The following VWC2 variants were observed in gnomAD, a reference collection of about 807,000 sequenced individuals.
VWC2 encodes the protein brorin.
In VWC2, 14 loss-of-function variants were observed where a neutral mutation model predicts 29.8. The observed-to-expected ratio is 0.47, with a 90% confidence interval of 0.31 to 0.74. The LOEUF (loss-of-function observed/expected upper bound fraction) is 0.74. Among genes scored for constraint, VWC2 ranks in the 30% least tolerant of loss-of-function variants. The pLI is 0.05. For synonymous variants in VWC2, 213 were observed against 199.0 expected (o/e 1.07, Z -0.59); for missense variants, 457 against 459.8 (o/e 0.99, Z 0.05).
In VWC2 at chr7:49,920,364, T is replaced by C. The variant is rs933190388; in HGVS notation, c.*8179T>C. 1.3e-5 allele frequency: 2 copies of C among 152,326 alleles called. No homozygotes were observed. Among genetic ancestry groups the C allele is most frequent in the East Asian group, 1.9e-4 (1 of 5,196 alleles). 9.4% of individuals were successfully genotyped at this position (152,326 alleles called of 1,614,324 possible). A position where few individuals can be genotyped will look rare whatever the true frequency, so the allele number is the denominator to read the frequency against. On this transcript the variant is annotated 3_prime_UTR_variant, in exon 4 of 4. Transcript: ENST00000340652. ...TTCCAGCTGGAAGGTCATCTTTCTA[T>C]ACATGCATGCATCTATACAAATGGT...
intron 3 of VWC2, among the ~76,000 whole-genome samples, chr7:49,901,610 T>C (rs932577432): frequency 6.6e-6 from 1 of 151,800 alleles, no homozygotes; most frequent in Admixed American, 6.6e-5. Context: ...CTCAACATTA[T>C]CAAGATCTAT....
At chr7:49,894,344 C>T (rs184903978) in intron 3 of VWC2, among the ~76,000 whole-genome samples, 30 of 152,238 alleles carry the variant, frequency 2.0e-4, no homozygotes, top group Admixed American at 1.5e-3. Flanking sequence ...TTTGTAGAGA[C>T]GGGGTTTTGA....
At chr7:49,824,360 C>T (rs1359008428) in intron 3 of VWC2, among the ~76,000 whole-genome samples, 2 of 152,148 alleles carry the variant, frequency 1.3e-5, no homozygotes, top group Non-Finnish European at 2.9e-5. Flanking sequence ...ATTATCTTGA[C>T]TTCTTTTGGT....
At chr7:49,858,622 T>G (rs1042652689) in intron 3 of VWC2, among the ~76,000 whole-genome samples, 2 of 151,134 alleles carry the variant, frequency 1.3e-5, no homozygotes, top group Non-Finnish European at 2.9e-5. Flanking sequence ...AGTTAATGGG[T>G]GCAGCACACC....
chr7:49,847,212 TTATAA>T lies in VWC2; in HGVS notation c.826+44392_826+44396del, dbSNP rs200959078. 7.9e-4 allele frequency among the ~76,000 whole-genome samples: 118 copies of T among 149,008 alleles called. 1 individual carries two copies. Among genetic ancestry groups the T allele is most frequent in the African/African-American group, 2.6e-3 (107 of 40,922 alleles). ...TAAGACACAAAAATGTGTGAACCTA[TTATAA>T]TATAATATAATATAATATATATAAT... On this transcript the variant is annotated intron_variant, in intron 3 of 3. Coordinates refer to ENST00000340652, the MANE Select transcript of VWC2 (RefSeq NM_198570.5).
intron 3 of VWC2, 24 bp from the exon 4 acceptor site, chr7:49,912,010 A>G: frequency 1.2e-6 from 2 of 1,606,928 alleles, no homozygotes; most frequent in Non-Finnish European, 1.7e-6. Context: ...CACATATAGT[A>G]TAAAACATTT....
intron 2 of VWC2, among the ~76,000 whole-genome samples, chr7:49,796,978 T>C (rs1244116117): frequency 6.6e-6 from 1 of 152,248 alleles, no homozygotes; most frequent in Non-Finnish European, 1.5e-5. Flanking sequence ...AGAAGTGTTT[T>C]GTGTGTAAAC....
chr7:49,811,312 A>G (rs1467273699), intron 3 of VWC2, among the ~76,000 whole-genome samples: 1 of 152,184 alleles, frequency 6.6e-6, no homozygotes, highest in South Asian at 2.1e-4. Flanking sequence ...TGTATTTCCT[A>G]TAATCTCCAC....
chr7:49,789,435 A>G (rs1788414609), intron 2 of VWC2, among the ~76,000 whole-genome samples: 1 of 151,890 alleles, frequency 6.6e-6, no homozygotes, highest in South Asian at 2.1e-4. Flanking sequence ...CATTGGCCAC[A>G]GTCCCCACCA....
chr7:49,810,793 G>T (rs995316156), intron 3 of VWC2, among the ~76,000 whole-genome samples: 1 of 152,086 alleles, frequency 6.6e-6, no homozygotes, highest in Non-Finnish European at 1.5e-5. Context: ...TCAACAAATG[G>T]TGCAGGGACA....
intron 3 of VWC2, among the ~76,000 whole-genome samples, chr7:49,821,018 G>A (rs1323911038): frequency 6.6e-6 from 1 of 151,978 alleles, no homozygotes; most frequent in Non-Finnish European, 1.5e-5. Context: ...TCCCCGCCCA[G>A]GATGCTGAAT....
At chr7:49,898,108 CAT>C (rs757252224) in intron 3 of VWC2, among the ~76,000 whole-genome samples, 3 of 151,574 alleles carry the variant, frequency 2.0e-5, no homozygotes, top group Non-Finnish European at 4.4e-5. Context: ...GTATGCTTTA[CAT>C]ATATGTGTGT....
chr7:49,810,393 C>G (rs1317544433), intron 3 of VWC2, among the ~76,000 whole-genome samples: 2 of 151,914 alleles, frequency 1.3e-5, no homozygotes, highest in African/African-American at 4.8e-5. Context: ...AATCAAAGGA[C>G]ATATAAATAA....
chr7:49,776,144 C>A lies in VWC2; in HGVS notation c.696+13C>A, dbSNP rs369768102. On this transcript the variant is annotated intron_variant, in intron 2 of 3. Coordinates refer to ENST00000340652, the MANE Select transcript of VWC2 (RefSeq NM_198570.5). ...GGAGGAGTTCGTGGTAAGATGCGAA[C>A]GCCCGCCGGGCGACTTTGCACCTTC... 3.6e-5 allele frequency: 54 copies of A among 1,496,462 alleles called. No homozygotes were observed. The highest frequency in any genetic ancestry group is 4.5e-5 in the Non-Finnish European group (51 of 1,122,100). The allele number at this position is 1,496,462 out of a possible 1,614,324, so 92.7% of individuals were successfully genotyped here.
intron 3 of VWC2, among the ~76,000 whole-genome samples, chr7:49,880,738 G>A (rs1403419349): frequency 2.0e-5 from 3 of 151,994 alleles, no homozygotes; most frequent in South Asian, 2.1e-4. Context: ...TGTAAATGAC[G>A]AGTTAACGGA....
intron 3 of VWC2, among the ~76,000 whole-genome samples, chr7:49,861,467 C>A (rs1473110675): frequency 6.6e-6 from 1 of 152,112 alleles, no homozygotes; most frequent in Non-Finnish European, 1.5e-5. Flanking sequence ...GATAAAATAT[C>A]CCATTATGCA....
chr7:49,824,536 T>A (rs949748781), intron 3 of VWC2, among the ~76,000 whole-genome samples: 4 of 152,154 alleles, frequency 2.6e-5, no homozygotes, highest in Non-Finnish European at 5.9e-5. Flanking sequence ...AAAATTCCCT[T>A]AACCTTTGCA....
intron 3 of VWC2, among the ~76,000 whole-genome samples, chr7:49,849,267 G>A (rs1012808975): frequency 2.0e-5 from 3 of 152,142 alleles, no homozygotes; most frequent in Non-Finnish European, 2.9e-5. Context: ...GAATTTCCCC[G>A]AGGAGAGAGA....
At chr7:49,810,444 A>C (rs1448022163) in intron 3 of VWC2, among the ~76,000 whole-genome samples, 1 of 152,156 alleles carries the variant, frequency 6.6e-6, no homozygotes, top group Non-Finnish European at 1.5e-5. Flanking sequence ...AATGTTGTCA[A>C]GATGTTAGTT....
Sources: allele counts gnomAD v4.1 joint callset (sites outside exome capture counted in the v4.1 genomes callset), GRCh38; gene constraint gnomAD v4.1.1; transcripts MANE v1.5; gene names NCBI Gene and HGNC (gene_info 2026-07-23, HGNC 2026-07-21).